The following FARP2 variants were observed in gnomAD, a reference collection of about 807,000 sequenced individuals.
The protein encoded by FARP2 is FERM, ARHGEF and pleckstrin domain-containing protein 2.
A neutral mutation model predicts 130.5 loss-of-function variants in FARP2; 111 were observed. The observed-to-expected ratio is 0.85, with a 90% CI of 0.73 to 1.00. FARP2 has a LOEUF of 1.00. Among genes scored for constraint, FARP2 ranks in the 50% least tolerant of loss-of-function variants. The pLI is 0.00. For synonymous variants in FARP2, 504 were observed against 516.9 expected (o/e 0.98, Z 0.34); for missense variants, 1,385 against 1,346.3 (o/e 1.03, Z -0.45).
intron 26 of FARP2, 92 bp from the exon 27 acceptor site, chr2:241,493,914 CTT>C: frequency 1.2e-6 from 1 of 812,088 alleles, no homozygotes; most frequent in Non-Finnish European, 1.8e-6. Flanking sequence ...TTTAACCCTT[CTT>C]TTGTCCTGCT....
chr2:241,439,843 A>G (rs1364783514), intron 12 of FARP2, among the ~76,000 whole-genome samples: 1 of 152,098 alleles, frequency 6.6e-6, no homozygotes, highest in Non-Finnish European at 1.5e-5. Context: ...GTATAATCCC[A>G]GCTACTCGGG....
Position 241,403,937 on chromosome 2 carries a change from G to A in FARP2, c.288+5G>A, listed in dbSNP as rs780850985. ...CAAAATACTCAGTCCTACTGGGTAA[G>A]TGCTTATGACGTGCCCAGGCGTGGA... On this transcript the variant is annotated splice_donor_5th_base_variant and intron_variant, in intron 3 of 26. Transcript: ENST00000264042. 1.9e-6 allele frequency: 3 copies of A among 1,560,664 alleles called. No homozygotes were observed. The South Asian group carries it at 3.3e-5, about 17-fold the overall frequency.
At chr2:241,422,720 G>A (rs1233923766) in intron 8 of FARP2, among the ~76,000 whole-genome samples, 1 of 152,132 alleles carries the variant, frequency 6.6e-6, no homozygotes, top group African/African-American at 2.4e-5. Flanking sequence ...AAGAAGCTAA[G>A]GACCATGATA....
In FARP2 at chr2:241,425,193, T is replaced by C. The variant is rs1164399542; in HGVS notation, c.772-6486T>C. Reference sequence around the variant, plus strand: ...CTATACTCCAGTCTGGGCGATGAAGTGCGACCCTGTCTCAAAAACAAAAAC... The same window carrying C: ...CTATACTCCAGTCTGGGCGATGAAGCGCGACCCTGTCTCAAAAACAAAAAC... On this transcript the variant is annotated intron_variant, in intron 8 of 26. Coordinates refer to ENST00000264042, the MANE Select transcript of FARP2 (RefSeq NM_014808.4). Among the ~76,000 whole-genome samples, 6 of 151,982 alleles carry C rather than the reference T, an allele frequency of 3.9e-5. No individual in the cohort carries two copies. In the East Asian group the frequency reaches 1.2e-3, roughly 29 times the overall value.
At chr2:241,380,928 G>A (rs577027640) in intron 2 of FARP2, among the ~76,000 whole-genome samples, 19 of 152,216 alleles carry the variant, frequency 1.2e-4, no homozygotes, top group Non-Finnish European at 1.8e-4. Flanking sequence ...GGGCCTCCAT[G>A]ACCAGTGTGC....
intron 2 of FARP2, 78 bp downstream of exon 2, chr2:241,373,368 G>A (rs2061465057): frequency 9.4e-7 from 1 of 1,060,306 alleles, no homozygotes; most frequent in East Asian, 3.1e-5. Context: ...CCATTTTGCT[G>A]GTTAGACTTT....
Position 241,459,162 on chromosome 2 carries a change from A to G in FARP2, c.1587+2240A>G, listed in dbSNP as rs1487696249. On this transcript the variant is annotated intron_variant, in intron 14 of 26. Coordinates refer to ENST00000264042, the MANE Select transcript of FARP2 (RefSeq NM_014808.4). The surrounding 1 kb of genome is among the most constrained non-coding windows in gnomAD (Gnocchi z 5.3). ...CCGAGATGGCAAGGATGGCCCTTTC[A>G]TCACCATGCAGGGGCTGCTGGTTTG... Among the ~76,000 whole-genome samples, 3 of 152,216 alleles carry G rather than the reference A, an allele frequency of 2.0e-5. No homozygotes were observed. Among genetic ancestry groups the G allele is most frequent in the Admixed American group, 2.0e-4 (3 of 15,288 alleles).
At chr2:241,464,132 GC>G (rs1405702067) in intron 17 of FARP2, 152 bp downstream of exon 17, 48 of 632,092 alleles carry the variant, frequency 7.6e-5, no homozygotes, top group Non-Finnish European at 1.3e-4. Flanking sequence ...TTAGAACAGG[GC>G]CCCCTCAGAG....
intron 4 of FARP2, among the ~76,000 whole-genome samples, chr2:241,407,007 ACTGTGTTGGCCAGGATGGT>A (rs931270373): frequency 2.7e-5 from 4 of 150,848 alleles, no homozygotes; most frequent in African/African-American, 9.8e-5. Context: ...ACGGGGTTTC[ACTGTGTTGGCCAGGATGGT>A]CTCGATCTCC....
At chr2:241,453,826 C>T (rs1476374607) in intron 13 of FARP2, among the ~76,000 whole-genome samples, 3 of 118,140 alleles carry the variant, frequency 2.5e-5, no homozygotes, top group East Asian at 3.0e-4. Flanking sequence ...CTCTGTTGCC[C>T]AGGCTGGAGT....
chr2:241,449,875 C>T (rs768339577), intron 13 of FARP2, among the ~76,000 whole-genome samples: 2 of 151,818 alleles, frequency 1.3e-5, no homozygotes, highest in African/African-American at 4.8e-5. Context: ...GGCATGGTGG[C>T]GGGTGCCTGT....
chr2:241,456,630 GC>G, intron 13 of FARP2, 116 bp from the exon 14 acceptor site: 3 of 887,518 alleles, frequency 3.4e-6, no homozygotes, highest in Non-Finnish European at 5.4e-6. Context: ...TTTACAGGAA[GC>G]GCCTGGCACT....
intron 13 of FARP2, among the ~76,000 whole-genome samples, chr2:241,450,986 A>G (rs1574848938): frequency 6.6e-6 from 1 of 152,050 alleles, no homozygotes; most frequent in East Asian, 1.9e-4. Flanking sequence ...AGATGATCAA[A>G]TCTTGTTATT....
intron 13 of FARP2, chr2:241,444,999 A>G (rs2063479957): frequency 6.6e-6 from 1 of 152,152 alleles, no homozygotes. Flanking sequence ...GCACAGTCAC[A>G]TCTCACTGCA....
chr2:241,387,714 A>G (rs542406487), intron 2 of FARP2, among the ~76,000 whole-genome samples: 1 of 150,136 alleles, frequency 6.7e-6, no homozygotes, highest in East Asian at 2.0e-4. Flanking sequence ...AATGGCGTGA[A>G]CCCGGGAGGC....
chr2:241,429,585 C>G (rs1465083020), intron 8 of FARP2, among the ~76,000 whole-genome samples: 1 of 152,090 alleles, frequency 6.6e-6, no homozygotes, highest in Non-Finnish European at 1.5e-5. Flanking sequence ...TGTTTGCCAG[C>G]TTTTCTGTAT....
chr2:241,441,273 C>A (rs192319634), intron 12 of FARP2, 31 bp from the exon 13 acceptor site: 191 of 1,537,516 alleles, frequency 1.2e-4, no homozygotes, highest in Non-Finnish European at 1.6e-4. Context: ...ATTTTATATC[C>A]TTTTTTTCTT....
intron 12 of FARP2, among the ~76,000 whole-genome samples, chr2:241,437,340 G>A (rs946804536): frequency 6.6e-6 from 1 of 152,198 alleles, no homozygotes; most frequent in Non-Finnish European, 1.5e-5. Flanking sequence ...CAGCTGTTCC[G>A]TGCCACTGTG....
At chr2:241,367,331 C>A (rs1336730039) in intron 1 of FARP2, among the ~76,000 whole-genome samples, 1 of 152,142 alleles carries the variant, frequency 6.6e-6, no homozygotes, top group Non-Finnish European at 1.5e-5. Context: ...CCAGCCATTT[C>A]TCATTAGCAG....
Sources: allele counts gnomAD v4.1 joint callset (sites outside exome capture counted in the v4.1 genomes callset), GRCh38; gene constraint gnomAD v4.1.1; non-coding constraint Gnocchi (gnomAD v3.1); transcripts MANE v1.5; gene names NCBI Gene and HGNC (gene_info 2026-07-23, HGNC 2026-07-21).